TBC1D5: variants seen among roughly 807,000 people sequenced by gnomAD.
TBC1D5 encodes TBC1 domain family member 5.
In TBC1D5, 75 loss-of-function variants were observed where a neutral mutation model predicts 100.3. The ratio of observed to expected loss-of-function variants is 0.75; its 90% CI spans 0.62 to 0.91. The LOEUF is 0.91. Ranked by LOEUF, TBC1D5 falls within the 40% of genes least tolerant of loss-of-function variation. TBC1D5 has a pLI of 0.00. For synonymous variants in TBC1D5, 323 were observed against 325.6 expected (o/e 0.99, Z 0.09); for missense variants, 910 against 942.4 (o/e 0.97, Z 0.45).
At chr3:17,167,508 G>C (rs2066747133) in intron 20 of TBC1D5, among the ~76,000 whole-genome samples, 1 of 152,226 alleles carries the variant, frequency 6.6e-6, no homozygotes, top group African/African-American at 2.4e-5. Flanking sequence ...AAACAGAATG[G>C]GTTTGGTAAG....
At chr3:17,488,763 C>T (rs2095601532) in intron 3 of TBC1D5, among the ~76,000 whole-genome samples, 2 of 151,972 alleles carry the variant, frequency 1.3e-5, no homozygotes, top group Non-Finnish European at 2.9e-5. Context: ...GCTTATCCTG[C>T]CATATGTATA....
chr3:17,185,297 AG>A (rs370624238), intron 18 of TBC1D5, 89 bp from the exon 20 acceptor site: 5 of 1,052,334 alleles, frequency 4.8e-6, no homozygotes, highest in Non-Finnish European at 2.7e-6. Flanking sequence ...ACTAGTTTAA[AG>A]AAGCATGATA....
At chr3:17,649,346 G>A (rs943450458) in intron 1 of TBC1D5, among the ~76,000 whole-genome samples, 2 of 151,926 alleles carry the variant, frequency 1.3e-5, no homozygotes, top group African/African-American at 2.4e-5. Context: ...TGAGGGAGAC[G>A]AGCAGAAAAG....
At position 17,166,849 on chromosome 3, in the gene TBC1D5, G is replaced by T. The variant is rs139210370; in HGVS notation, c.2012C>A (p.Ala671Glu). The change falls in exon 21 of 22, where the codon GCG (alanine) becomes GAG (glutamate). Residue 671 changes from alanine (A) to glutamate (E), a missense_variant. Physicochemically the swap from Ala to Glu is moderately radical, Grantham distance 107. Coordinates refer to ENST00000253692, the Ensembl canonical transcript of TBC1D5. ...GCCGCTGGAGCAGTAGTGGTTGTCC[G>T]CAATGGTGATCTGTTCGTTCTCTTC... The T allele has an allele frequency of 9.9e-4, 1,593 of 1,614,162 alleles. 9 individuals carry two copies. The highest frequency in any genetic ancestry group is 3.4e-3 in the South Asian group (306 of 91,078).
chr3:17,353,964 C>T (rs1036849881), intron 13 of TBC1D5, among the ~76,000 whole-genome samples: 1 of 152,050 alleles, frequency 6.6e-6, no homozygotes, highest in African/African-American at 2.4e-5. Flanking sequence ...TGCAAAATAG[C>T]ATTCCACGTT....
intron 16 of TBC1D5, among the ~76,000 whole-genome samples, chr3:17,255,063 T>C (rs919669094): frequency 6.6e-6 from 1 of 152,206 alleles, no homozygotes; most frequent in Non-Finnish European, 1.5e-5. Context: ...GACCCATCTG[T>C]AGGCCATGAA....
chr3:17,342,085 T>C (rs1295683036), intron 13 of TBC1D5, among the ~76,000 whole-genome samples: 2 of 152,250 alleles, frequency 1.3e-5, no homozygotes, highest in Admixed American at 6.5e-5. Flanking sequence ...CTTTCTAAGA[T>C]ATAAATATGA....
intron 1 of TBC1D5, among the ~76,000 whole-genome samples, chr3:17,692,586 C>T (rs966582531): frequency 1.4e-4 from 21 of 152,150 alleles, no homozygotes; most frequent in African/African-American, 5.1e-4. Context: ...TACAGGAGAC[C>T]GTTTTTTAAA....
At chr3:17,254,410 T>C (rs2077445607) in intron 16 of TBC1D5, among the ~76,000 whole-genome samples, 1 of 152,208 alleles carries the variant, frequency 6.6e-6, no homozygotes, top group Non-Finnish European at 1.5e-5. Context: ...TTATCCATTA[T>C]AGTTGGTATG....
intron 1 of TBC1D5, among the ~76,000 whole-genome samples, chr3:17,718,778 G>A (rs2075450290): frequency 6.6e-6 from 1 of 151,788 alleles, no homozygotes; most frequent in Non-Finnish European, 1.5e-5. Flanking sequence ...CCAGCCCATG[G>A]TAATCTCTAA....
chr3:17,531,773 G>A (rs1340627278), intron 2 of TBC1D5, among the ~76,000 whole-genome samples: 1 of 152,178 alleles, frequency 6.6e-6, no homozygotes, highest in Non-Finnish European at 1.5e-5. Flanking sequence ...GGGAAAACTG[G>A]CTAGCCGTAT....
At chr3:17,633,909 T>C (rs909463644) in intron 1 of TBC1D5, among the ~76,000 whole-genome samples, 9 of 152,186 alleles carry the variant, frequency 5.9e-5, no homozygotes, top group Non-Finnish European at 1.2e-4. Flanking sequence ...TCAGGAGTCA[T>C]TGAATCCTGA....
chr3:17,379,530 T>G (rs901182076), intron 9 of TBC1D5, among the ~76,000 whole-genome samples: 4 of 152,070 alleles, frequency 2.6e-5, no homozygotes, highest in South Asian at 2.1e-4. Context: ...ATATTTGCTG[T>G]GGACACAAAA....
At chr3:17,337,509 T>C (rs1045654152) in intron 13 of TBC1D5, 3 of 152,166 alleles carry the variant, frequency 2.0e-5, no homozygotes, top group African/African-American at 4.8e-5. Context: ...AAGAAACTGA[T>C]GATGAAGTTA....
chr3:17,590,057 T>TC, intron 2 of TBC1D5, among the ~76,000 whole-genome samples: 1 of 152,034 alleles, frequency 6.6e-6, no homozygotes, highest in East Asian at 1.9e-4. Flanking sequence ...CAGCACCCAC[T>TC]CCCCCCTACA....
At chr3:17,544,392 C>A (rs879455532) in intron 2 of TBC1D5, among the ~76,000 whole-genome samples, 1 of 152,162 alleles carries the variant, frequency 6.6e-6, no homozygotes, top group Non-Finnish European at 1.5e-5. Context: ...CTGGCTCACG[C>A]TTGTAATCCC....
chr3:17,631,483 G>C (rs1295515239), intron 1 of TBC1D5, among the ~76,000 whole-genome samples: 1 of 152,222 alleles, frequency 6.6e-6, no homozygotes, highest in Non-Finnish European at 1.5e-5. Flanking sequence ...CTGAATAACA[G>C]ATATTCAATG....
chr3:17,295,868 T>C (rs1314504452), intron 14 of TBC1D5, among the ~76,000 whole-genome samples: 3 of 152,088 alleles, frequency 2.0e-5, no homozygotes, highest in Non-Finnish European at 4.4e-5. Flanking sequence ...GTCTCATGAG[T>C]CCTCCTAATT....
At position 17,262,741 on chromosome 3, in the gene TBC1D5, A is replaced by G. The variant is rs377017040; in HGVS notation, c.1246-4150T>C. On this transcript the variant is annotated intron_variant, in intron 15 of 21. Coordinates refer to ENST00000253692, the Ensembl canonical transcript of TBC1D5. ...CATGATCCACCCATCTCGGCCTCCC[A>G]AAGTGCTGGGATTACAGGCGTGAGC... 1.1e-3 allele frequency among the ~76,000 whole-genome samples: 173 copies of G among 151,998 alleles called. 5 individuals carry two copies. In the South Asian group the frequency reaches 0.034, roughly 30 times the overall value.
Sources: gnomAD v4.1 joint callset for allele counts (sites outside exome capture counted in the v4.1 genomes callset) on GRCh38, gnomAD v4.1.1 for gene constraint, MANE v1.5 for transcripts, NCBI Gene and HGNC (gene_info 2026-07-23, HGNC 2026-07-21) for gene names.